The following PITRM1 variants were observed in gnomAD, a reference collection of about 807,000 sequenced individuals.
The protein encoded by PITRM1 is pitrilysin metallopeptidase 1.
PITRM1 carries 100 observed loss-of-function variants against 129.9 expected under a neutral mutation model. That is an observed-to-expected ratio of 0.77 (90% confidence interval 0.65 to 0.91). The LOEUF (loss-of-function observed/expected upper bound fraction) is 0.91. Among genes scored for constraint, PITRM1 ranks in the 40% least tolerant of loss-of-function variants. PITRM1 has a pLI of 0.00. For missense variants in PITRM1, 1,471 were observed against 1,318.3 expected (o/e 1.12, Z -1.79); for synonymous variants, 591 against 508.8 (o/e 1.16, Z -2.17).
intron 19 of PITRM1, 48 bp from the exon 20 acceptor site, chr10:3,147,298 C>CT: frequency 7.4e-7 from 1 of 1,353,694 alleles, no homozygotes; most frequent in Non-Finnish European, 1.1e-6. Context: ...CTACAACAGA[C>CT]CCGCTGAGTC....
chr10:3,151,338 G>T lies in PITRM1; in HGVS notation c.1647C>A (p.Ser549Arg). 1.9e-6 allele frequency: 3 copies of T among 1,608,984 alleles called. No homozygotes were observed. In the South Asian group the frequency reaches 3.3e-5, roughly 18 times the overall value. ...EKGLELRSQQ[S>R]KPQDASCLPA... ...GCAGACAAGAGGCATCTTGAGGTTT[G>T]CTTTGTTGACTCCGTAATTCTAGAC... Residue 549 changes from serine (S) to arginine (R), a missense_variant, in exon 15 of 27, where the codon AGC (serine) becomes AGA (arginine). Coordinates refer to ENST00000224949, the MANE Select transcript of PITRM1 (RefSeq NM_014889.4).
At position 3,165,254 on chromosome 10, in the gene PITRM1, TCATTA is replaced by T; in HGVS notation, c.609_613del (p.Phe203LeufsTer10). ...AAAACTTACAAACGCTCCCTTCATC[TCATTA>T]AAGACGACTCCTTTAAAGACCAAGG... On this transcript the variant is annotated frameshift_variant, in exon 6 of 27. Coordinates refer to ENST00000224949, the MANE Select transcript of PITRM1 (RefSeq NM_014889.4). LOFTEE classifies it high-confidence loss of function. 6.4e-7 allele frequency: 1 copy of T among 1,570,990 alleles called. No homozygotes were observed. The highest frequency in any genetic ancestry group is 8.6e-7 in the Non-Finnish European group (1 of 1,159,274).
Position 3,140,673 on chromosome 10 carries a change from A to C in PITRM1, c.2771+14T>G. The C allele has an allele frequency of 4.4e-6, 7 of 1,593,370 alleles. No individual in the cohort carries two copies. Among genetic ancestry groups the C allele is most frequent in the Non-Finnish European group, 6.0e-6 (7 of 1,168,630 alleles). ...ACGTGTGCATCCCAATGTGTGAACT[A>C]GAGCAAAACTCACCTGTAAGAGTAA... On this transcript the variant is annotated intron_variant, in intron 24 of 26. Coordinates refer to ENST00000224949, the MANE Select transcript of PITRM1 (RefSeq NM_014889.4).
intron 3 of PITRM1, among the ~76,000 whole-genome samples, chr10:3,166,609 C>G (rs568487881): frequency 6.6e-6 from 1 of 152,106 alleles, no homozygotes; most frequent in African/African-American, 2.4e-5. Context: ...GATGCTCTGT[C>G]AATAAAAATA....
At chr10:3,155,463 G>A in intron 14 of PITRM1, 128 bp downstream of exon 14, 1 of 1,143,186 alleles carries the variant, frequency 8.7e-7, no homozygotes, top group Non-Finnish European at 1.3e-6. Flanking sequence ...TCGAACGTGA[G>A]CTCTGTTGGC....
intron 17 of PITRM1, 49 bp from the exon 18 acceptor site, chr10:3,148,112 G>A (rs1162486890): frequency 6.2e-7 from 1 of 1,613,804 alleles, no homozygotes; most frequent in Non-Finnish European, 8.5e-7. Flanking sequence ...GAATCGAACA[G>A]TGACAGACAC....
In PITRM1 at chr10:3,137,957, G is replaced by C; in HGVS notation, c.*74C>G. ...CATAATATTCTTGGAAAAAGCAGTAGCATTTCTGACTTTTCATATTCAGCT... is the reference window on the plus strand; with the variant it reads ...CATAATATTCTTGGAAAAAGCAGTACCATTTCTGACTTTTCATATTCAGCT... On this transcript the variant is annotated 3_prime_UTR_variant, in exon 27 of 27. Coordinates refer to ENST00000224949, the MANE Select transcript of PITRM1 (RefSeq NM_014889.4). The C allele has an allele frequency of 2.3e-6, 2 of 858,144 alleles. No individual in the cohort carries two copies. Among genetic ancestry groups the C allele is most frequent in the South Asian group, 3.2e-5 (2 of 62,358 alleles). 53.2% of individuals were successfully genotyped at this position (858,144 alleles called of 1,614,324 possible).
chr10:3,168,849 T>C (rs952325365), intron 2 of PITRM1, among the ~76,000 whole-genome samples: 1 of 138,050 alleles, frequency 7.2e-6, no homozygotes, highest in African/African-American at 2.7e-5. Context: ...ACTAGACTAA[T>C]ACACAAGCAA....
chr10:3,153,636 A>C (rs1044568737), intron 14 of PITRM1, among the ~76,000 whole-genome samples: 4 of 152,072 alleles, frequency 2.6e-5, no homozygotes, highest in Non-Finnish European at 4.4e-5. Context: ...AAACCAAAAA[A>C]ACAACAAAAA....
At chr10:3,138,498 C>T in intron 25 of PITRM1, 161 bp from the exon 26 acceptor site, 1 of 643,120 alleles carries the variant, frequency 1.6e-6, no homozygotes, top group South Asian at 1.8e-5. Flanking sequence ...ACACCCCGAC[C>T]TCCAGCTCCC....
chr10:3,149,718 T>C lies in PITRM1; in HGVS notation c.1774A>G (p.Thr592Ala). The change falls in exon 16 of 27, where the codon ACC becomes GCC. Residue 592 changes from threonine to alanine, a missense_variant. By Grantham distance (58) the Thr-to-Ala change is moderately conservative (BLOSUM62 0). Transcript: ENST00000224949. ...DIPVQYCAQP[T>A]NGMVYFRAFS... ...GCCCGGAAATACACCATGCCATTGG[T>C]GGGCTGGGCGCAGTACTGAACAGGG... 2 of 1,612,240 alleles carry C rather than the reference T, an allele frequency of 1.2e-6. No individual in the cohort carries two copies. The highest frequency in any genetic ancestry group is 2.2e-5 in the South Asian group (2 of 90,542).
chr10:3,157,501 A>T lies in PITRM1; in HGVS notation c.1281T>A (p.Ala427=). The change falls in exon 12 of 27, where the codon GCT becomes GCA. Residue 427 remains alanine, a synonymous_variant. Coordinates refer to ENST00000224949, the MANE Select transcript of PITRM1 (RefSeq NM_014889.4). ...EKGFEDDRIE[A]LLHKIEIQMK... is the part of the protein sequence containing the mutation. The stretch of plus-strand genomic sequence containing the variant: ...TCTGTATTTCAATTTTATGAAGTAA[A>T]GCCTCAATTCGATCATCTTCAAATC... 1.2e-6 allele frequency: 2 copies of T among 1,609,930 alleles called. No individual in the cohort carries two copies. Among genetic ancestry groups the T allele is most frequent in the African/African-American group, 2.7e-5 (2 of 74,908 alleles).
At chr10:3,149,424 TA>T (rs1196930858) in intron 16 of PITRM1, 196 bp downstream of exon 16, 4 of 478,640 alleles carry the variant, frequency 8.4e-6, no homozygotes, top group Non-Finnish European at 1.5e-5. Flanking sequence ...CGTAGATTCA[TA>T]ACTATTTCAA....
intron 11 of PITRM1, 58 bp from the exon 12 acceptor site, chr10:3,157,589 C>A: frequency 8.6e-7 from 1 of 1,168,980 alleles, no homozygotes; most frequent in Non-Finnish European, 1.2e-6. Flanking sequence ...TGCTTGTAAT[C>A]CCAGCACTTT....
intron 14 of PITRM1, among the ~76,000 whole-genome samples, chr10:3,151,797 A>G (rs970715313): frequency 6.6e-6 from 1 of 152,186 alleles, no homozygotes; most frequent in African/African-American, 2.4e-5. Flanking sequence ...GTACAGTGGC[A>G]CCATCTCAGC....
rs529002363 is a variant in PITRM1, at chr10:3,148,580, A to G, written c.1872-289T>C. ...TCTGCACTTAAAACACCATTCTAAAATAGGCATTTCCAGTTGTAAGCTCTT... is the reference window on the plus strand; with the variant it reads ...TCTGCACTTAAAACACCATTCTAAAGTAGGCATTTCCAGTTGTAAGCTCTT... On this transcript the variant is annotated intron_variant, in intron 16 of 26. Coordinates refer to ENST00000224949, the MANE Select transcript of PITRM1 (RefSeq NM_014889.4). 4 of 350,950 alleles carry G rather than the reference A, an allele frequency of 1.1e-5. No individual in the cohort carries two copies. The South Asian group carries it at 2.5e-4, about 22-fold the overall frequency. The allele number at this position is 350,950 out of a possible 1,614,324, so 21.7% of individuals were successfully genotyped here.
intron 16 of PITRM1, chr10:3,149,182 T>C (rs902891650): frequency 1.3e-5 from 2 of 155,780 alleles, no homozygotes; most frequent in African/African-American, 4.8e-5. Flanking sequence ...TGTTGATGTG[T>C]GCACTCGTGT....
Position 3,142,164 on chromosome 10 carries a change from G to A in PITRM1, c.2645+1225C>T, listed in dbSNP as rs542128935. On this transcript the variant is annotated intron_variant, in intron 23 of 26. Coordinates refer to ENST00000224949, the MANE Select transcript of PITRM1 (RefSeq NM_014889.4). ...TGGAAACAGACACCACTCTTCTGCC[G>A]GCATAGCAGACAGATCTGTTCATCT... Among the ~76,000 whole-genome samples the A allele has an allele frequency of 1.4e-4, 21 of 152,254 alleles. 3 individuals carry two copies. Among genetic ancestry groups the A allele is most frequent in the South Asian group, 1.0e-3 (5 of 4,816 alleles).
At position 3,138,915 on chromosome 10, in the gene PITRM1, G is replaced by A. The variant is rs2279218; in HGVS notation, c.2906C>T (p.Pro969Leu). The change falls in exon 25 of 27, where the codon CCT becomes CTT. Residue 969 changes from proline (P) to leucine (L), a missense_variant. Pro to Leu is a moderately conservative substitution (Grantham distance 98). Coordinates refer to ENST00000224949, the MANE Select transcript of PITRM1 (RefSeq NM_014889.4). ...TATACTCAAAATACCTTTGTCTGAA[G>A]GAGCGACAGGAGCATCTACGGTTGA... ...VFSTVDAPVA[P>L]SDKGMDHFLY... 14,376 of 1,613,904 alleles carry A rather than the reference G, an allele frequency of 8.9e-3. 769 individuals carry two copies. The East Asian group carries it at 0.14, about 16-fold the overall frequency.
Sources: gnomAD v4.1 joint callset for allele counts (sites outside exome capture counted in the v4.1 genomes callset) on GRCh38, gnomAD v4.1.1 for gene constraint, MANE v1.5 for transcripts, NCBI Gene and HGNC (gene_info 2026-07-23, HGNC 2026-07-21) for gene names.